The following HENMT1 variants were observed in gnomAD, a reference collection of about 807,000 sequenced individuals.
HENMT1 encodes the protein small RNA 2'-O-methyltransferase.
Under a neutral mutation model 31.1 loss-of-function variants are expected in HENMT1, and 27 were observed. That is an observed-to-expected ratio of 0.87 (90% CI 0.64 to 1.20). The LOEUF (loss-of-function observed/expected upper bound fraction) is 1.20. Among genes scored for constraint, HENMT1 ranks in the 50% most tolerant of loss-of-function variants. HENMT1 has a pLI of 0.00. For synonymous variants in HENMT1, 167 were observed against 172.2 expected (o/e 0.97, Z 0.24); for missense variants, 438 against 469.6 (o/e 0.93, Z 0.62).
intron 5 of HENMT1, among the ~76,000 whole-genome samples, chr1:108,653,635 G>T (rs1052575687): frequency 6.6e-6 from 1 of 152,180 alleles, no homozygotes; most frequent in African/African-American, 2.4e-5. Flanking sequence ...TAAATGGGGT[G>T]AGATATCTCA....
At chr1:108,660,509 T>C (rs1408583782) in intron 1 of HENMT1, among the ~76,000 whole-genome samples, 1 of 152,194 alleles carries the variant, frequency 6.6e-6, no homozygotes, top group African/African-American at 2.4e-5. Context: ...CTAGAGATGC[T>C]CCAACATCTA....
In HENMT1 at chr1:108,648,709, G is replaced by A. The variant is rs1197211507; in HGVS notation, c.1039C>T (p.Leu347Phe). 3 of 1,614,080 alleles carry A rather than the reference G, an allele frequency of 1.9e-6. No individual in the cohort carries two copies. The African/African-American group carries it at 4.0e-5, about 22-fold the overall frequency. Residue 347 changes from leucine (L) to phenylalanine (F), a missense_variant, in exon 8 of 8, where the codon CTT becomes TTT. Leu to Phe is a conservative substitution (Grantham distance 22). Coordinates refer to ENST00000651461, the MANE Select transcript of HENMT1 (RefSeq NM_001102592.2). ...DKFFVPLQRL[L>F]AYPKLNRLCA... ...AAGCGGTTCAACTTGGGATACGCAA[G>A]GAGTCTCTGCAGAGGTACGAAAAAT...
intron 2 of HENMT1, among the ~76,000 whole-genome samples, chr1:108,657,996 C>T (rs1023547744): frequency 7.4e-5 from 11 of 148,978 alleles, no homozygotes; most frequent in Non-Finnish European, 1.5e-4. Context: ...TATATATACA[C>T]ACACACACAC....
At chr1:108,653,268 G>A (rs1409804270) in intron 5 of HENMT1, among the ~76,000 whole-genome samples, 1 of 151,860 alleles carries the variant, frequency 6.6e-6, no homozygotes, top group African/African-American at 2.4e-5. Context: ...CACCTGCCTC[G>A]GCCTCCCAAA....
intron 5 of HENMT1, among the ~76,000 whole-genome samples, chr1:108,652,931 T>A (rs1454807413): frequency 1.3e-5 from 2 of 151,660 alleles, no homozygotes; most frequent in African/African-American, 4.8e-5. Flanking sequence ...GCAACAGTGT[T>A]TCTATGCCTG....
intron 2 of HENMT1, among the ~76,000 whole-genome samples, chr1:108,659,563 T>C (rs551232306): frequency 6.6e-6 from 1 of 152,216 alleles, no homozygotes; most frequent in African/African-American, 2.4e-5. Context: ...TTAAACAGAA[T>C]CTGCAACTTA....
Position 108,648,612 on chromosome 1 carries a change from A to C in HENMT1, c.1136T>G (p.Val379Gly), listed in dbSNP as rs1657946701. The C allele has an allele frequency of 1.2e-6, 2 of 1,614,208 alleles. No individual in the cohort carries two copies. The highest frequency in any genetic ancestry group is 4.5e-5 in the East Asian group (2 of 44,894). ...SIPLSSDGSA[V>G]VADLRNYFDE... ...AAAATAATTACGCAGGTCAGCCACC[A>C]CTGCAGAACCATCACTGCTCAGAGG... The change falls in exon 8 of 8, where the codon GTG (valine) becomes GGG (glycine). Residue 379 changes from valine to glycine, a missense_variant. Transcript: ENST00000651461.
At chr1:108,654,267 C>T (rs900487820) in intron 5 of HENMT1, among the ~76,000 whole-genome samples, 16 of 151,992 alleles carry the variant, frequency 1.1e-4, no homozygotes, top group African/African-American at 3.1e-4. Context: ...ACCAGAACCA[C>T]GATGTTTTTA....
chr1:108,649,580 C>T (rs1383218588), intron 7 of HENMT1: 2 of 351,578 alleles, frequency 5.7e-6, no homozygotes, highest in African/African-American at 2.1e-5. Flanking sequence ...TGTGCCGGTG[C>T]ACTCCAGCCT....
At position 108,655,848 on chromosome 1, in the gene HENMT1, T is replaced by TACACACACAC. The variant is rs61122468; in HGVS notation, c.151-160_151-151dup. The TACACACACAC allele has an allele frequency of 4.7e-3, 1,102 of 233,990 alleles. 8 individuals carry two copies. The highest frequency in any genetic ancestry group is 9.3e-3 in the African/African-American group (379 of 40,624). The allele number at this position is 233,990 out of a possible 1,614,324, so 14.5% of individuals were successfully genotyped here. ...GAAGGATCTTTTTGGCAGAAGATGC[T>TACACACACAC]ACACACACACACACACACACACACA... On this transcript the variant is annotated intron_variant, in intron 3 of 7. Transcript: ENST00000651461.
At chr1:108,649,934 G>C in intron 7 of HENMT1, 1 of 491,302 alleles carries the variant, frequency 2.0e-6, no homozygotes, top group Non-Finnish European at 3.8e-6. Flanking sequence ...GATCACAGGT[G>C]TGAGCCACTG....
At chr1:108,653,417 C>T (rs557484780) in intron 5 of HENMT1, among the ~76,000 whole-genome samples, 66 of 152,320 alleles carry the variant, frequency 4.3e-4, no homozygotes, top group African/African-American at 1.5e-3. Flanking sequence ...GTGCACATCT[C>T]TCTTCAATAT....
intron 3 of HENMT1, 50 bp downstream of exon 3, chr1:108,657,401 A>C: frequency 1.5e-6 from 2 of 1,357,854 alleles, no homozygotes; most frequent in South Asian, 2.4e-5. Flanking sequence ...ACCTCATATG[A>C]CTAGTCTACT....
chr1:108,654,476 T>A (rs1169629132), intron 5 of HENMT1, among the ~76,000 whole-genome samples: 3 of 152,134 alleles, frequency 2.0e-5, no homozygotes, highest in Admixed American at 2.0e-4. Context: ...AAGTGAGATG[T>A]TAACATCTGG....
intron 2 of HENMT1, among the ~76,000 whole-genome samples, chr1:108,657,997 A>T (rs1658302036): frequency 6.7e-6 from 1 of 149,706 alleles, no homozygotes; most frequent in African/African-American, 2.5e-5. Context: ...ATATATACAC[A>T]CACACACACA....
At chr1:108,656,759 C>T (rs1040395640) in intron 3 of HENMT1, among the ~76,000 whole-genome samples, 1 of 152,162 alleles carries the variant, frequency 6.6e-6, no homozygotes, top group East Asian at 1.9e-4. Flanking sequence ...CCATTGCACC[C>T]GGCCCATTAT....
chr1:108,648,421 G>C lies in HENMT1; in HGVS notation c.*145C>G. 1 of 676,198 alleles carries C rather than the reference G, an allele frequency of 1.5e-6. No individual in the cohort carries two copies. The highest frequency in any genetic ancestry group is 2.0e-5 in the South Asian group (1 of 50,608). 41.9% of individuals were successfully genotyped at this position (676,198 alleles called of 1,614,324 possible). A position where few individuals can be genotyped will look rare whatever the true frequency, so the allele number is the denominator to read the frequency against. ...TCACTGCAGTCTGGCCATATCTCAA[G>C]CAGGTCTGTCCAATGGCTTGGAACA... On this transcript the variant is annotated 3_prime_UTR_variant, in exon 8 of 8. Coordinates refer to ENST00000651461, the MANE Select transcript of HENMT1 (RefSeq NM_001102592.2).
intron 3 of HENMT1, among the ~76,000 whole-genome samples, 165 bp downstream of exon 3, chr1:108,657,286 T>C (rs1658273822): frequency 6.6e-6 from 1 of 152,156 alleles, no homozygotes; most frequent in Non-Finnish European, 1.5e-5. Flanking sequence ...GAAAAACCCC[T>C]TTTGCTTAAC....
Position 108,654,592 on chromosome 1 carries a change from C to G in HENMT1, c.398+124G>C, listed in dbSNP as rs1339002901. 2.8e-5 allele frequency: 25 copies of G among 903,450 alleles called. No individual in the cohort carries two copies. In the Admixed American group the frequency reaches 5.8e-4, roughly 21 times the overall value. 56.0% of individuals were successfully genotyped at this position (903,450 alleles called of 1,614,324 possible). On this transcript the variant is annotated intron_variant, in intron 5 of 7. Coordinates refer to ENST00000651461, the MANE Select transcript of HENMT1 (RefSeq NM_001102592.2). Reference sequence around the variant, plus strand: ...TGGAAAAGCAGAGTAAAAAGATATTCCCAACCAATGAGCAGTTTTCCTTAC... The same window carrying G: ...TGGAAAAGCAGAGTAAAAAGATATTGCCAACCAATGAGCAGTTTTCCTTAC...
Sources: gnomAD v4.1 joint callset for allele counts (sites outside exome capture counted in the v4.1 genomes callset) on GRCh38, gnomAD v4.1.1 for gene constraint, MANE v1.5 for transcripts, NCBI Gene and HGNC (gene_info 2026-07-23, HGNC 2026-07-21) for gene names.